The following ADGRV1 variants were observed in gnomAD, a reference collection of about 807,000 sequenced individuals.
ADGRV1 encodes G-protein coupled receptor 98.
A neutral mutation model predicts 596.2 loss-of-function variants in ADGRV1; 359 were observed. The ratio of observed to expected loss-of-function variants is 0.60; its 90% CI spans 0.55 to 0.66. The LOEUF is 0.66. Among genes scored for constraint, ADGRV1 ranks in the 30% least tolerant of loss-of-function variants. ADGRV1 has a pLI of 0.00. For synonymous variants in ADGRV1, 2,681 were observed against 2,679.2 expected (o/e 1.00, Z -0.02); for missense variants, 7,274 against 7,575.6 (o/e 0.96, Z 1.48).
chr5:90,911,340 C>T (rs1373869684), intron 83 of ADGRV1, among the ~76,000 whole-genome samples: 2 of 152,106 alleles, frequency 1.3e-5, no homozygotes, highest in South Asian at 2.1e-4. Context: ...TGAACTCTTT[C>T]GTATTCTGTA....
intron 55 of ADGRV1, 29 bp from the exon 56 acceptor site, chr5:90,756,425 A>G: frequency 1.4e-6 from 2 of 1,433,998 alleles, no homozygotes; most frequent in Non-Finnish European, 1.9e-6. Context: ...AAAAAAAATG[A>G]AACACCATCT....
At chr5:90,960,421 G>A (rs551331577) in intron 83 of ADGRV1, among the ~76,000 whole-genome samples, 22 of 152,186 alleles carry the variant, frequency 1.4e-4, no homozygotes, top group African/African-American at 3.6e-4. Context: ...GATGCTTGCC[G>A]TGTTCTCTTT....
Position 90,570,771 on chromosome 5 carries a change from T to C in ADGRV1, c.22+11854T>C, listed in dbSNP as rs118029902. ...TTCTCAACTCCAGATTTCTGTTTTT[T>C]TTTTTTAAACTATCTTTTTGATATC... On this transcript the variant is annotated intron_variant, in intron 1 of 89. Coordinates refer to ENST00000405460, the MANE Select transcript of ADGRV1 (RefSeq NM_032119.4). Among the ~76,000 whole-genome samples, 858 of 152,216 alleles carry C rather than the reference T, an allele frequency of 5.6e-3. 24 individuals are homozygous for C. Among genetic ancestry groups the C allele is most frequent in the Admixed American group, 0.04 (612 of 15,286 alleles).
intron 22 of ADGRV1, 74 bp from the exon 23 acceptor site, chr5:90,673,980 C>CT (rs1352955725): frequency 8.5e-6 from 9 of 1,056,364 alleles, no homozygotes; most frequent in Admixed American, 2.5e-5. Flanking sequence ...ATTTAGTTGC[C>CT]TTTTGAATTT....
At chr5:90,859,905 C>A (rs1767379284) in intron 82 of ADGRV1, among the ~76,000 whole-genome samples, 2 of 150,432 alleles carry the variant, frequency 1.3e-5, no homozygotes, top group South Asian at 4.2e-4. Flanking sequence ...CATAGCGAGA[C>A]CCTGTCTGTA....
intron 17 of ADGRV1, among the ~76,000 whole-genome samples, chr5:90,650,958 T>C (rs899050773): frequency 6.6e-6 from 1 of 151,984 alleles, no homozygotes; most frequent in African/African-American, 2.4e-5. Context: ...GATGAAGAGA[T>C]AGGCACTTCA....
At position 90,629,194 on chromosome 5, in the gene ADGRV1, T is replaced by A; in HGVS notation, c.1510-16T>A. On this transcript the variant is annotated splice_polypyrimidine_tract_variant and intron_variant, in intron 8 of 89. Transcript: ENST00000405460. The stretch of plus-strand genomic sequence containing the variant: ...GCGAGAATTCTGTACTTTAATATTT[T>A]ATTCCTTTACTTCAGCTTTTGTTCT... The A allele has an allele frequency of 6.9e-7, 1 of 1,444,314 alleles. No homozygotes were observed. Among genetic ancestry groups the A allele is most frequent in the Non-Finnish European group, 9.3e-7 (1 of 1,078,280 alleles). 89.5% of individuals were successfully genotyped at this position (1,444,314 alleles called of 1,614,324 possible).
intron 85 of ADGRV1, among the ~76,000 whole-genome samples, chr5:91,032,820 T>TA (rs1784586913): frequency 6.6e-6 from 1 of 152,198 alleles, no homozygotes; most frequent in Admixed American, 6.5e-5. Context: ...AAATCATTTT[T>TA]TGAGCCTTTT....
intron 69 of ADGRV1, among the ~76,000 whole-genome samples, chr5:90,790,109 T>C (rs1759902038): frequency 6.6e-6 from 1 of 152,198 alleles, no homozygotes; most frequent in South Asian, 2.1e-4. Flanking sequence ...AAGAACCAAA[T>C]GATTTTACAT....
At chr5:91,066,825 AGCAAGGG>A in intron 85 of ADGRV1, among the ~76,000 whole-genome samples, 1 of 152,362 alleles carries the variant, frequency 6.6e-6, no homozygotes, top group East Asian at 1.9e-4. Context: ...GACAGCAGTG[AGCAAGGG>A]GATGGGCCCT....
At position 90,882,496 on chromosome 5, in the gene ADGRV1, C is replaced by T. The variant is rs535969020; in HGVS notation, c.17856+18639C>T. Among the ~76,000 whole-genome samples the T allele has an allele frequency of 1.7e-4, 26 of 152,288 alleles. 1 individual carries two copies. The South Asian group carries it at 5.2e-3, about 30-fold the overall frequency. On this transcript the variant is annotated intron_variant, in intron 83 of 89. Transcript: ENST00000405460. Reference sequence around the variant, plus strand: ...TCAAAGCCTATTTTTTCTCACTACACAGATGCCTATATATTTCTTCATTAC... The same window carrying T: ...TCAAAGCCTATTTTTTCTCACTACATAGATGCCTATATATTTCTTCATTAC...
intron 71 of ADGRV1, 72 bp from the exon 72 acceptor site, chr5:90,805,212 G>A (rs975787310): frequency 7.5e-6 from 10 of 1,332,294 alleles, no homozygotes; most frequent in Admixed American, 3.9e-5. Flanking sequence ...GAAAGTTTAC[G>A]TTTAACCCAT....
chr5:90,595,462 C>T (rs1454766043), intron 1 of ADGRV1, among the ~76,000 whole-genome samples: 4 of 69,274 alleles, frequency 5.8e-5, no homozygotes, highest in African/African-American at 6.4e-5. Context: ...CCTTCCCGGA[C>T]GGGGCGGCTG....
In ADGRV1 at chr5:90,716,693, A is replaced by AC; in HGVS notation, c.9411_9412insC (p.Gly3138ArgfsTer28). On this transcript the variant is annotated frameshift_variant, in exon 43 of 90. Coordinates refer to ENST00000405460, the MANE Select transcript of ADGRV1 (RefSeq NM_032119.4). LOFTEE classifies it high-confidence loss of function. ...AATCTAAAGATCTGACTCCTTCCAAAGGCTATATTGTTTTAGAAGAAGGTG... is the reference window on the plus strand; with the variant it reads ...AATCTAAAGATCTGACTCCTTCCAAACGGCTATATTGTTTTAGAAGAAGGTG... 6.2e-7 allele frequency: 1 copy of AC among 1,613,174 alleles called. No homozygotes were observed. The highest frequency in any genetic ancestry group is 8.5e-7 in the Non-Finnish European group (1 of 1,179,148).
At chr5:90,565,454 G>A (rs1426247051) in intron 1 of ADGRV1, among the ~76,000 whole-genome samples, 1 of 152,106 alleles carries the variant, frequency 6.6e-6, no homozygotes, top group Non-Finnish European at 1.5e-5. Flanking sequence ...CCTTTTGTGT[G>A]TACTTTCACT....
rs533367255 is a variant in ADGRV1, at chr5:90,861,087, T to C, written c.17756-2670T>C. 2.0e-5 allele frequency among the ~76,000 whole-genome samples: 3 copies of C among 152,156 alleles called. No homozygotes were observed. In the South Asian group the frequency reaches 6.2e-4, roughly 31 times the overall value. On this transcript the variant is annotated intron_variant, in intron 82 of 89. Transcript: ENST00000405460. ...AGTCCAGTATGATAATAAAAGACTT[T>C]AGCTGTTCTTTACCAATTAGATGTT...
intron 87 of ADGRV1, among the ~76,000 whole-genome samples, chr5:91,142,656 C>T (rs6873773): frequency 0.14 from 21,632 of 152,126 alleles, 1,738 homozygotes; most frequent in African/African-American, 0.22. Context: ...CTATCTCATA[C>T]GGAACTGATA....
chr5:91,080,155 A>G (rs1789217510), intron 86 of ADGRV1, among the ~76,000 whole-genome samples: 1 of 152,192 alleles, frequency 6.6e-6, no homozygotes, highest in South Asian at 2.1e-4. Context: ...TGGGATGTCC[A>G]TCACCTTGAA....
chr5:90,790,851 G>A, intron 69 of ADGRV1, 22 bp from the exon 70 acceptor site: 1 of 1,498,454 alleles, frequency 6.7e-7, no homozygotes, highest in Non-Finnish European at 9.1e-7. Context: ...TAACTTTGTT[G>A]AGTTTTTTTC....
Sources: gnomAD v4.1 joint callset for allele counts (sites outside exome capture counted in the v4.1 genomes callset) on GRCh38, gnomAD v4.1.1 for gene constraint, MANE v1.5 for transcripts, NCBI Gene and HGNC (gene_info 2026-07-23, HGNC 2026-07-21) for gene names.